The following ZNF563 variants were observed in gnomAD, a reference collection of about 807,000 sequenced individuals.
The protein encoded by ZNF563 is zinc finger protein 563.
ZNF563 carries 39 observed loss-of-function variants against 48.5 expected under a neutral mutation model. The observed-to-expected ratio is 0.80, with a 90% confidence interval of 0.62 to 1.05. The LOEUF (loss-of-function observed/expected upper bound fraction) is 1.05, where lower values mean the gene tolerates loss of function less well. Ranked by LOEUF, ZNF563 falls within the 50% of genes least tolerant of loss-of-function variation. ZNF563 has a pLI of 0.00. For missense variants in ZNF563, 538 were observed against 597.0 expected (o/e 0.90, Z 1.03); for synonymous variants, 168 against 187.9 (o/e 0.89, Z 0.87).
chr19:12,321,284 C>T lies in ZNF563; in HGVS notation c.179G>A (p.Arg60Lys). The T allele has an allele frequency of 6.3e-7, 1 of 1,576,052 alleles. No homozygotes were observed. The highest frequency in any genetic ancestry group is 2.3e-5 in the East Asian group (1 of 42,568). Reference protein sequence around the residue: ...QNTEDQYKNPRRNLRCHMVER... With the variant: ...QNTEDQYKNPKRNLRCHMVER... ...GAGTGCAAATTACCTTAGATTTCTC[C>T]TAGGATTTTTGTACTGATCTTCAGT... Residue 60 changes from arginine (R) to lysine (K), a missense_variant, in exon 3 of 4, where the codon AGG (arginine) becomes AAG (lysine). Coordinates refer to ENST00000293725, the MANE Select transcript of ZNF563 (RefSeq NM_145276.3).
chr19:12,329,373 T>C (rs2145816199), intron 1 of ZNF563, among the ~76,000 whole-genome samples: 1 of 149,822 alleles, frequency 6.7e-6, no homozygotes, highest in Non-Finnish European at 1.5e-5. Context: ...CTTGGGAGCC[T>C]GAGGCAGGAG....
intron 1 of ZNF563, among the ~76,000 whole-genome samples, chr19:12,328,722 T>C (rs1968853761): frequency 6.6e-6 from 1 of 152,038 alleles, no homozygotes; most frequent in Non-Finnish European, 1.5e-5. Flanking sequence ...TGAGCCGAAA[T>C]TGTGCCACTG....
chr19:12,342,894 T>C, the ZNF563 span, among the ~76,000 whole-genome samples: 1 of 152,074 alleles, frequency 6.6e-6, no homozygotes, highest in African/African-American at 2.4e-5. Context: ...GAGAAAATTT[T>C]ATAGCTTTAA....
intron 2 of ZNF563, 123 bp downstream of exon 2, chr19:12,322,462 G>T: frequency 9.2e-7 from 1 of 1,090,676 alleles, no homozygotes; most frequent in Non-Finnish European, 1.2e-6. Context: ...TGTCACCTCT[G>T]AATTCTGTGT....
the ZNF563 span, among the ~76,000 whole-genome samples, chr19:12,341,488 A>G: frequency 6.6e-6 from 1 of 152,240 alleles, no homozygotes; most frequent in Admixed American, 6.5e-5. Context: ...TTAGATCTCA[A>G]GACACAAATA....
intron 1 of ZNF563, among the ~76,000 whole-genome samples, chr19:12,330,146 G>C (rs8108122): frequency 0.21 from 32,209 of 151,848 alleles, 3,800 homozygotes; most frequent in African/African-American, 0.32. Context: ...TCTTGAACTC[G>C]TGACCTCAGA....
In ZNF563 at chr19:12,330,167, A is replaced by G. The variant is rs192422052; in HGVS notation, c.3+3313T>C. On this transcript the variant is annotated intron_variant, in intron 1 of 3. Coordinates refer to ENST00000293725, the MANE Select transcript of ZNF563 (RefSeq NM_145276.3). ...ACTCGTGACCTCAGATGATCCATAC[A>G]CCTCGGCCTCCCAAAGTGCTAGGAT... Among the ~76,000 whole-genome samples the G allele has an allele frequency of 1.1e-4, 17 of 152,094 alleles. No individual in the cohort carries two copies. The East Asian group carries it at 2.9e-3, about 26-fold the overall frequency.
At chr19:12,337,204 T>C (rs1357924479), upstream of ZNF563, among the ~76,000 whole-genome samples, 2 of 150,536 alleles carry the variant, frequency 1.3e-5, no homozygotes, top group South Asian at 2.1e-4. Context: ...AGTTAGCTTA[T>C]TTCTCTCTTT....
At chr19:12,320,536 T>C (rs1198884465) in intron 3 of ZNF563, among the ~76,000 whole-genome samples, 2 of 151,824 alleles carry the variant, frequency 1.3e-5, no homozygotes, top group African/African-American at 4.8e-5. Context: ...AGTCTTGCTC[T>C]GTCGCCAGGC....
At chr19:12,339,274 T>A in the ZNF563 span, among the ~76,000 whole-genome samples, 2 of 68,678 alleles carry the variant, frequency 2.9e-5, no homozygotes, top group East Asian at 3.0e-4. Context: ...AGTTGATTTC[T>A]TTTTTTTTTT....
the ZNF563 span, among the ~76,000 whole-genome samples, chr19:12,339,273 CTTTTTTTTTTTT>C: frequency 1.2e-5 from 1 of 86,476 alleles, no homozygotes; most frequent in East Asian, 3.8e-4. Flanking sequence ...CAGTTGATTT[CTTTTTTTTTTTT>C]TTTTTTTTTT....
chr19:12,341,641 GA>G, the ZNF563 span, among the ~76,000 whole-genome samples: 2 of 152,102 alleles, frequency 1.3e-5, no homozygotes, highest in Non-Finnish European at 2.9e-5. Flanking sequence ...ATTTATAAAA[GA>G]GTCAATACAT....
rs368471946 is a variant in ZNF563 at position 12,325,338 on chromosome 19, C to T, written c.4-2627G>A. ...CTACTAAAAATATAAAAATTAGCCACGCTTGGTGGCGCATGCCTGTAACCG... is the reference window on the plus strand; with the variant it reads ...CTACTAAAAATATAAAAATTAGCCATGCTTGGTGGCGCATGCCTGTAACCG... On this transcript the variant is annotated intron_variant, in intron 1 of 3. Coordinates refer to ENST00000293725, the MANE Select transcript of ZNF563 (RefSeq NM_145276.3). Among the ~76,000 whole-genome samples, 9 of 152,088 alleles carry T rather than the reference C, an allele frequency of 5.9e-5. No individual in the cohort carries two copies. The South Asian group carries it at 1.0e-3, about 18-fold the overall frequency.
At chr19:12,322,286 C>T (rs1479800015) in intron 2 of ZNF563, among the ~76,000 whole-genome samples, 1 of 152,096 alleles carries the variant, frequency 6.6e-6, no homozygotes, top group Non-Finnish European at 1.5e-5. Flanking sequence ...GAACTCCTGA[C>T]CTCATGATCC....
the ZNF563 span, among the ~76,000 whole-genome samples, chr19:12,342,717 G>A: frequency 6.6e-6 from 1 of 151,316 alleles, no homozygotes; most frequent in Non-Finnish European, 1.5e-5. Flanking sequence ...AGGCTGCAGT[G>A]AGCCCTGATT....
rs1396184312 is a variant in ZNF563, at chr19:12,319,249, G to T, written c.776C>A (p.Ser259Tyr). The change falls in exon 4 of 4, where the codon TCT (serine) becomes TAT (tyrosine). Residue 259 changes from serine (S) to tyrosine (Y), a missense_variant. Coordinates refer to ENST00000293725, the MANE Select transcript of ZNF563 (RefSeq NM_145276.3). ...GEKPYECKQC[S>Y]KALPDSSSYI... ...GGAACTGGAATCAGGCAAGGCTTTA[G>T]AACACTGCTTACATTCATACGGTTT... The T allele has an allele frequency of 6.2e-7, 1 of 1,613,502 alleles. No individual in the cohort carries two copies. The highest frequency in any genetic ancestry group is 8.5e-7 in the Non-Finnish European group (1 of 1,179,912).
At chr19:12,334,384 T>C (rs1022675878), upstream of ZNF563, among the ~76,000 whole-genome samples, 11 of 151,228 alleles carry the variant, frequency 7.3e-5, no homozygotes, top group African/African-American at 1.2e-4. Context: ...GCTAAACATA[T>C]GCCCAAACTT....
chr19:12,326,886 C>T (rs1331019512), intron 1 of ZNF563, among the ~76,000 whole-genome samples: 1 of 151,996 alleles, frequency 6.6e-6, no homozygotes, highest in Non-Finnish European at 1.5e-5. Flanking sequence ...GATATGTTTG[C>T]TCAAAATAAT....
chr19:12,337,792 T>A (rs1300360636), upstream of ZNF563, among the ~76,000 whole-genome samples: 3 of 152,104 alleles, frequency 2.0e-5, no homozygotes, highest in African/African-American at 7.2e-5. Context: ...ATGTGAGACA[T>A]GAAATAATAT....
Sources: gnomAD v4.1 joint callset for allele counts (sites outside exome capture counted in the v4.1 genomes callset) on GRCh38, gnomAD v4.1.1 for gene constraint, MANE v1.5 for transcripts, NCBI Gene and HGNC (gene_info 2026-07-23, HGNC 2026-07-21) for gene names.